BLOC1S5: variants seen among roughly 807,000 people sequenced by gnomAD.
The protein encoded by BLOC1S5 is biogenesis of lysosome-related organelles complex 1 subunit 5.
Under a neutral mutation model 24.3 loss-of-function variants are expected in BLOC1S5, and 27 were observed. The observed-to-expected ratio is 1.11, with a 90% CI of 0.82 to 1.53. The LOEUF is 1.53. Among genes scored for constraint, BLOC1S5 ranks in the 40% most tolerant of loss-of-function variants. The pLI, the probability that BLOC1S5 is intolerant of heterozygous loss-of-function variation, is 0.00. For missense variants in BLOC1S5, 239 were observed against 229.4 expected (o/e 1.04, Z -0.27); for synonymous variants, 84 against 74.5 (o/e 1.13, Z -0.66).
intron 2 of BLOC1S5, among the ~76,000 whole-genome samples, chr6:8,045,741 T>C (rs1230539688): frequency 6.6e-6 from 1 of 152,214 alleles, no homozygotes. Context: ...CGGACTTGCA[T>C]GGGCACTGTA....
At chr6:8,047,211 A>ATTTT in intron 2 of BLOC1S5, among the ~76,000 whole-genome samples, 1 of 126,364 alleles carries the variant, frequency 7.9e-6, no homozygotes, top group Middle Eastern at 4.6e-3. Context: ...GTCAACAGTA[A>ATTTT]TTTTTTTTTT....
At chr6:8,047,530 A>T (rs1763948119) in intron 2 of BLOC1S5, among the ~76,000 whole-genome samples, 1 of 152,170 alleles carries the variant, frequency 6.6e-6, no homozygotes, top group Non-Finnish European at 1.5e-5. Context: ...TTTGAACCAC[A>T]ACCTAAACGA....
At chr6:8,043,914 A>G (rs951250641) in intron 2 of BLOC1S5, among the ~76,000 whole-genome samples, 1 of 152,256 alleles carries the variant, frequency 6.6e-6, no homozygotes, top group East Asian at 1.9e-4. Context: ...CTGATAGTGA[A>G]TAAGTCTCTG....
chr6:8,051,495 T>G (rs1254175317), intron 2 of BLOC1S5, among the ~76,000 whole-genome samples: 6 of 152,236 alleles, frequency 3.9e-5, no homozygotes, highest in Non-Finnish European at 2.9e-5. Context: ...TAACGTAGAC[T>G]GCAAGATCTA....
At chr6:8,046,811 TC>T (rs2113576708) in intron 2 of BLOC1S5, among the ~76,000 whole-genome samples, 1 of 152,190 alleles carries the variant, frequency 6.6e-6, no homozygotes, top group Non-Finnish European at 1.5e-5. Context: ...GTCGCTGAGA[TC>T]ACACTACTGC....
intron 3 of BLOC1S5, among the ~76,000 whole-genome samples, chr6:8,033,517 T>TA (rs1763375669): frequency 6.6e-6 from 1 of 152,130 alleles, no homozygotes; most frequent in Admixed American, 6.5e-5. Context: ...CCTAAAACCA[T>TA]AAAAACCCTA....
chr6:8,028,344 T>A (rs1284404595), intron 3 of BLOC1S5, among the ~76,000 whole-genome samples: 1 of 148,830 alleles, frequency 6.7e-6, no homozygotes, highest in Non-Finnish European at 1.5e-5. Flanking sequence ...CAATCATTGA[T>A]TTTTAAAAAA....
At chr6:8,044,230 G>A (rs1452012222) in intron 2 of BLOC1S5, among the ~76,000 whole-genome samples, 1 of 137,352 alleles carries the variant, frequency 7.3e-6, no homozygotes, top group African/African-American at 2.7e-5. Flanking sequence ...GTTACAGTGA[G>A]CCAAGATTGT....
At position 8,035,359 on chromosome 6, in the gene BLOC1S5, T is replaced by TAAA. The variant is rs60896604; in HGVS notation, c.325+5777_325+5779dup. On this transcript the variant is annotated intron_variant, in intron 3 of 4. Coordinates refer to ENST00000397457, the MANE Select transcript of BLOC1S5 (RefSeq NM_201280.3). Reference sequence around the variant, plus strand: ...GGAATAAAAATCTTTTTTTTTTTTTTAAAAAAAAGGCATAGAGTGGCTGAA... The same window carrying TAAA: ...GGAATAAAAATCTTTTTTTTTTTTTTAAAAAAAAAAAGGCATAGAGTGGCTGAA... Among the ~76,000 whole-genome samples the TAAA allele has an allele frequency of 1.0e-3, 148 of 148,568 alleles. 1 individual carries two copies. Among genetic ancestry groups the TAAA allele is most frequent in the East Asian group, 5.9e-3 (30 of 5,072 alleles).
chr6:8,031,168 C>T lies in BLOC1S5; in HGVS notation c.326-4743G>A, dbSNP rs572266072. Among the ~76,000 whole-genome samples the T allele has an allele frequency of 3.9e-5, 6 of 152,210 alleles. No individual in the cohort carries two copies. The South Asian group carries it at 1.0e-3, about 26-fold the overall frequency. ...AGAAAGAAATAAAGGGCATCCAAAT[C>T]GGTAAAGAGGAAGTAAAATTGTCAC... is the stretch of plus-strand genomic sequence containing the variant. On this transcript the variant is annotated intron_variant, in intron 3 of 4. Transcript: ENST00000397457.
chr6:8,034,905 C>G (rs1763434267), intron 3 of BLOC1S5, among the ~76,000 whole-genome samples: 1 of 152,030 alleles, frequency 6.6e-6, no homozygotes, highest in Admixed American at 6.6e-5. Flanking sequence ...GCCCATCAAT[C>G]AACAAGTGGA....
At chr6:8,053,262 C>T (rs1764190140) in intron 2 of BLOC1S5, among the ~76,000 whole-genome samples, 1 of 152,142 alleles carries the variant, frequency 6.6e-6, no homozygotes, top group Admixed American at 6.5e-5. Context: ...GAAAAAACTT[C>T]GACTGTGGGT....
chr6:8,048,145 T>C (rs985068997), intron 2 of BLOC1S5, among the ~76,000 whole-genome samples: 3 of 152,224 alleles, frequency 2.0e-5, no homozygotes, highest in African/African-American at 4.8e-5. Flanking sequence ...CACCAGATAA[T>C]TGGTACTCAG....
At chr6:8,037,173 T>C (rs553201093) in intron 3 of BLOC1S5, among the ~76,000 whole-genome samples, 4 of 152,292 alleles carry the variant, frequency 2.6e-5, no homozygotes, top group Non-Finnish European at 5.9e-5. Flanking sequence ...ATTGGAAAGG[T>C]ATTAAGTCAA....
intron 4 of BLOC1S5, chr6:8,017,921 A>C (rs1762797459): frequency 6.6e-6 from 1 of 152,194 alleles, no homozygotes; most frequent in South Asian, 2.1e-4. Context: ...TCACAAGACA[A>C]ACGGTCTTCT....
intron 2 of BLOC1S5, among the ~76,000 whole-genome samples, chr6:8,051,932 C>A (rs567351051): frequency 6.7e-6 from 1 of 148,388 alleles, no homozygotes; most frequent in South Asian, 2.1e-4. Flanking sequence ...CAAGAAGATG[C>A]GTGTTGTTAT....
At chr6:8,016,525 T>C (rs1031720686) in intron 4 of BLOC1S5, among the ~76,000 whole-genome samples, 3 of 152,090 alleles carry the variant, frequency 2.0e-5, no homozygotes, top group Admixed American at 6.6e-5. Context: ...TATTTTTAAG[T>C]GCATTAGAAA....
chr6:8,015,395 T>C lies in BLOC1S5; in HGVS notation c.*254A>G, dbSNP rs751317258. On this transcript the variant is annotated 3_prime_UTR_variant, in exon 5 of 5. Transcript: ENST00000397457. ...ATGATCAATTCTGACTAACAAAGAG[T>C]ATATTGATTCCATTTTCCTTCCTAC... 70 of 411,366 alleles carry C rather than the reference T, an allele frequency of 1.7e-4. No homozygotes were observed. The highest frequency in any genetic ancestry group is 2.7e-4 in the Non-Finnish European group (62 of 232,206). The allele number at this position is 411,366 out of a possible 1,614,324, so 25.5% of individuals were successfully genotyped here. A position where few individuals can be genotyped will look rare whatever the true frequency, so the allele number is the denominator to read the frequency against.
At chr6:8,042,613 A>C (rs1763733691) in intron 2 of BLOC1S5, among the ~76,000 whole-genome samples, 1 of 151,598 alleles carries the variant, frequency 6.6e-6, no homozygotes, top group Non-Finnish European at 1.5e-5. Context: ...CTTCCTTAAA[A>C]CATTATGAGA....
Sources: gnomAD v4.1 joint callset for allele counts (sites outside exome capture counted in the v4.1 genomes callset) on GRCh38, gnomAD v4.1.1 for gene constraint, MANE v1.5 for transcripts, NCBI Gene and HGNC (gene_info 2026-07-23, HGNC 2026-07-21) for gene names.